MXD1: variants seen among roughly 807,000 people sequenced by gnomAD.
MXD1 encodes the protein MAX dimerization protein 1, also known as MAX-binding protein.
MXD1 carries 9 observed loss-of-function variants against 25.7 expected under a neutral mutation model. The ratio of observed to expected loss-of-function variants is 0.35; its 90% confidence interval spans 0.21 to 0.61. The LOEUF (loss-of-function observed/expected upper bound fraction) is 0.61. Ranked by LOEUF, MXD1 falls within the 20% of genes least tolerant of loss-of-function variation. The pLI is 0.75. For synonymous variants in MXD1, 99 were observed against 113.9 expected, an observed-to-expected ratio of 0.87 and a Z score of 0.83; for missense variants, 227 against 292.4, an observed-to-expected ratio of 0.78 and a Z score of 1.63.
intron 3 of MXD1, among the ~76,000 whole-genome samples, chr2:69,922,312 C>T (rs892403685): frequency 1.6e-4 from 25 of 152,086 alleles, no homozygotes; most frequent in Admixed American, 6.6e-4. Context: ...TCCATCTTGC[C>T]GCAGCCTGAG....
chr2:69,920,277 C>T (rs1342343013), intron 2 of MXD1, among the ~76,000 whole-genome samples: 5 of 152,190 alleles, frequency 3.3e-5, no homozygotes, highest in African/African-American at 7.2e-5. Flanking sequence ...TGAACCACTG[C>T]GCCTAGCCTG....
Position 69,941,783 on chromosome 2 carries a change from A to G in MXD1, c.*3499A>G, listed in dbSNP as rs184990475. The G allele has an allele frequency of 6.6e-6, 1 of 152,228 alleles. No individual in the cohort carries two copies. 9.4% of individuals were successfully genotyped at this position (152,228 alleles called of 1,614,324 possible). ...TCTAGCAATATCTTGGAGCTTGAGA[A>G]TAGATTTTGTGGGCTTATTTCTTCT... On this transcript the variant is annotated 3_prime_UTR_variant, in exon 6 of 6. Transcript: ENST00000264444.
intron 3 of MXD1, among the ~76,000 whole-genome samples, chr2:69,930,098 T>A (rs1677250320): frequency 6.6e-6 from 1 of 152,218 alleles, no homozygotes; most frequent in African/African-American, 2.4e-5. Context: ...TGAGGAACAT[T>A]GACATTTTTT....
rs1041847969 is a variant in MXD1, at chr2:69,942,183, G to A, written c.*3899G>A. On this transcript the variant is annotated 3_prime_UTR_variant, in exon 6 of 6. Coordinates refer to ENST00000264444, the MANE Select transcript of MXD1 (RefSeq NM_002357.4). ...TTGACTCTGATGCAGTGTGTTTAGC[G>A]TGTCTAGTAGCTGGCTACTCCTATT... The A allele has an allele frequency of 3.3e-5, 5 of 152,142 alleles. No individual in the cohort carries two copies. The highest frequency in any genetic ancestry group is 4.8e-5 in the African/African-American group (2 of 41,428). The allele number at this position is 152,142 out of a possible 1,614,324, so 9.4% of individuals were successfully genotyped here. A position where few individuals can be genotyped will look rare whatever the true frequency, so the allele number is the denominator to read the frequency against.
chr2:69,916,438 T>A, intron 2 of MXD1: 2 of 366,910 alleles, frequency 5.5e-6, no homozygotes, highest in East Asian at 1.0e-4. Context: ...CATTTCTTTA[T>A]GAACTTTATT....
Position 69,928,980 on chromosome 2 carries a change from G to T in MXD1, c.204-6371G>T, listed in dbSNP as rs531693816. Among the ~76,000 whole-genome samples the T allele has an allele frequency of 5.3e-5, 8 of 152,240 alleles. No individual in the cohort carries two copies. In the East Asian group the frequency reaches 1.5e-3, roughly 29 times the overall value. On this transcript the variant is annotated intron_variant, in intron 3 of 5. Transcript: ENST00000264444. The stretch of plus-strand genomic sequence containing the variant: ...ACAATCTTGGCTCACTGCAACCTCT[G>T]CCTCCCAGGTTCAAGCGATTCTTGT...
At chr2:69,920,682 G>A (rs2104165443) in intron 2 of MXD1, among the ~76,000 whole-genome samples, 2 of 152,324 alleles carry the variant, frequency 1.3e-5, no homozygotes, top group Non-Finnish European at 2.9e-5. Flanking sequence ...TTCATGAGCT[G>A]AACCAGGGAG....
At chr2:69,935,851 G>A (rs546250602) in intron 4 of MXD1, among the ~76,000 whole-genome samples, 15 of 152,176 alleles carry the variant, frequency 9.9e-5, no homozygotes, top group Admixed American at 2.0e-4. Context: ...GGTCCCTCCC[G>A]TCTGCTTTCC....
Position 69,941,152 on chromosome 2 carries a change from T to C in MXD1, c.*2868T>C, listed in dbSNP as rs770764143. The C allele has an allele frequency of 6.7e-6, 1 of 150,170 alleles. No individual in the cohort carries two copies. The highest frequency in any genetic ancestry group is 1.5e-5 in the Non-Finnish European group (1 of 68,012). 9.3% of individuals were successfully genotyped at this position (150,170 alleles called of 1,614,324 possible). A position where few individuals can be genotyped will look rare whatever the true frequency, so the allele number is the denominator to read the frequency against. ...TATGTGAAAGTTGATTTTAAAAAAC[T>C]AAAAAAATCTAAACTGCACTCTTAT... On this transcript the variant is annotated 3_prime_UTR_variant, in exon 6 of 6. Transcript: ENST00000264444.
rs1677067335 is a variant in MXD1 at position 69,921,730 on chromosome 2, T to C, written c.174-6T>C. 1 of 1,609,300 alleles carries C rather than the reference T, an allele frequency of 6.2e-7. No individual in the cohort carries two copies. Among genetic ancestry groups the C allele is most frequent in the African/African-American group, 1.3e-5 (1 of 74,758 alleles). ...CTTATTCTTCTCTTATTGTTCCCTCTTTCAGATCAACTCACAATGAAATGG... is the reference window on the plus strand; with the variant it reads ...CTTATTCTTCTCTTATTGTTCCCTCCTTCAGATCAACTCACAATGAAATGG... On this transcript the variant is annotated splice_polypyrimidine_tract_variant and splice_region_variant and intron_variant, in intron 2 of 5. Coordinates refer to ENST00000264444, the MANE Select transcript of MXD1 (RefSeq NM_002357.4).
chr2:69,929,480 T>G (rs1677237036), intron 3 of MXD1, among the ~76,000 whole-genome samples: 1 of 152,204 alleles, frequency 6.6e-6, no homozygotes, highest in South Asian at 2.1e-4. Flanking sequence ...GAGGCAGAAA[T>G]AAGAAGAGCT....
At chr2:69,934,015 T>C (rs1476511691) in intron 3 of MXD1, among the ~76,000 whole-genome samples, 1 of 152,246 alleles carries the variant, frequency 6.6e-6, no homozygotes, top group African/African-American at 2.4e-5. Context: ...CTCTGTCCTC[T>C]AGAAGCTTAA....
At position 69,939,441 on chromosome 2, in the gene MXD1, C is replaced by T. The variant is rs543381511; in HGVS notation, c.*1157C>T. The stretch of plus-strand genomic sequence containing the variant: ...TATGATTTCTCCCTTAAGTGGTCTC[C>T]GACTTTGTAGCATTTTTATTTAAGC... On this transcript the variant is annotated 3_prime_UTR_variant, in exon 6 of 6. Coordinates refer to ENST00000264444, the MANE Select transcript of MXD1 (RefSeq NM_002357.4). 4 of 152,600 alleles carry T rather than the reference C, an allele frequency of 2.6e-5. No homozygotes were observed. Among genetic ancestry groups the T allele is most frequent in the Admixed American group, 6.5e-5 (1 of 15,290 alleles). 9.5% of individuals were successfully genotyped at this position (152,600 alleles called of 1,614,324 possible).
intron 2 of MXD1, among the ~76,000 whole-genome samples, chr2:69,921,161 T>C (rs1306143873): frequency 1.3e-5 from 2 of 152,242 alleles, no homozygotes; most frequent in African/African-American, 4.8e-5. Flanking sequence ...ATCTTTATAT[T>C]GAGCTGAACT....
At position 69,937,336 on chromosome 2, in the gene MXD1, G is replaced by A. The variant is rs767719401; in HGVS notation, c.420G>A (p.Arg140=). The change falls in exon 5 of 6, where the codon AGG becomes AGA. Residue 140 remains arginine, a synonymous_variant. Coordinates refer to ENST00000264444, the MANE Select transcript of MXD1 (RefSeq NM_002357.4). ...AGCTGGAGAAGCTGGGCATTGAGAG[G>A]ATCCGGATGGACAGCATCGGCTCCA... The part of the protein sequence containing the change: ...KRQLEKLGIE[R]IRMDSIGSTV... 16 of 1,614,038 alleles carry A rather than the reference G, an allele frequency of 9.9e-6. No individual in the cohort carries two copies. In the African/African-American group the frequency reaches 1.7e-4, roughly 17 times the overall value.
rs757721297 is a variant in MXD1, at chr2:69,915,502, G to A, written c.73+99G>A. ...CCCAGCCGCTCCGGGGGTGGTTGGAGGCGGGGAGACCGCGAGCGCTCCCAA... is the reference window on the plus strand; with the variant it reads ...CCCAGCCGCTCCGGGGGTGGTTGGAAGCGGGGAGACCGCGAGCGCTCCCAA... On this transcript the variant is annotated intron_variant, in intron 1 of 5. Coordinates refer to ENST00000264444, the MANE Select transcript of MXD1 (RefSeq NM_002357.4). The surrounding 1 kb of genome is among the most constrained non-coding windows in gnomAD (Gnocchi z 5.8). The A allele has an allele frequency of 5.8e-6, 6 of 1,038,408 alleles. No homozygotes were observed. Among genetic ancestry groups the A allele is most frequent in the Non-Finnish European group, 7.5e-6 (6 of 795,842 alleles). The allele number at this position is 1,038,408 out of a possible 1,614,324, so 64.3% of individuals were successfully genotyped here.
At position 69,941,425 on chromosome 2, in the gene MXD1, A is replaced by C. The variant is rs1677598204; in HGVS notation, c.*3141A>C. ...GGCTCCTTTCTGTAGTCACACACCT[A>C]ATGCTAGTTTAGTGATTCAAAATGC... On this transcript the variant is annotated 3_prime_UTR_variant, in exon 6 of 6. Transcript: ENST00000264444. The C allele has an allele frequency of 6.6e-6, 1 of 152,202 alleles. No individual in the cohort carries two copies. Among genetic ancestry groups the C allele is most frequent in the Non-Finnish European group, 1.5e-5 (1 of 68,040 alleles). The allele number at this position is 152,202 out of a possible 1,614,324, so 9.4% of individuals were successfully genotyped here.
chr2:69,934,691 C>T (rs961366230), intron 3 of MXD1, among the ~76,000 whole-genome samples: 6 of 152,198 alleles, frequency 3.9e-5, no homozygotes, highest in South Asian at 2.1e-4. Context: ...GCATGGTATA[C>T]TCACAGTTTG....
At chr2:69,933,223 A>G (rs1177681507) in intron 3 of MXD1, among the ~76,000 whole-genome samples, 1 of 141,756 alleles carries the variant, frequency 7.1e-6, no homozygotes, top group Non-Finnish European at 1.5e-5. Flanking sequence ...AAAAAAAAAA[A>G]ACAAAAAAAG....
Sources: gnomAD v4.1 joint callset for allele counts (sites outside exome capture counted in the v4.1 genomes callset) on GRCh38, gnomAD v4.1.1 for gene constraint, Gnocchi (gnomAD v3.1) non-coding constraint, MANE v1.5 for transcripts, NCBI Gene and HGNC (gene_info 2026-07-23, HGNC 2026-07-21) for gene names.